The following TAF13 variants were observed in gnomAD, a reference collection of about 807,000 sequenced individuals.
TAF13 encodes transcription initiation factor TFIID subunit 13.
TAF13 carries 9 observed loss-of-function variants against 18.7 expected under a neutral mutation model. That is an observed-to-expected ratio of 0.48 (90% confidence interval 0.29 to 0.84). The LOEUF (loss-of-function observed/expected upper bound fraction) is 0.84, where lower values mean the gene tolerates loss of function less well. TAF13 is among the 40% of genes least tolerant of loss of function. TAF13 has a pLI of 0.08. For missense variants in TAF13, 105 were observed against 146.5 expected (o/e 0.72, Z 1.46); for synonymous variants, 49 against 44.1 (o/e 1.11, Z -0.44).
In TAF13 at chr1:109,075,031, G is replaced by A; in HGVS notation, c.62C>T (p.Ala21Val). The A allele has an allele frequency of 3.7e-6, 6 of 1,609,134 alleles. No individual in the cohort carries two copies. Among genetic ancestry groups the A allele is most frequent in the Non-Finnish European group, 5.1e-6 (6 of 1,178,592 alleles). ...CTTTCTTTTACCCTGTCCACCTTCT[G>A]CACCTCCTCCAATTTCTTCATTTTC... ...EEENEEIGGGAEGGQGKRKRL... is the reference protein window; with the variant it reads ...EEENEEIGGGVEGGQGKRKRL... Residue 21 changes from alanine (A) to valine (V), a missense_variant, in exon 2 of 4, where the codon GCA becomes GTA. Transcript: ENST00000338366.
At chr1:109,073,579 G>A (rs924334078) in intron 2 of TAF13, among the ~76,000 whole-genome samples, 2 of 152,166 alleles carry the variant, frequency 1.3e-5, no homozygotes, top group African/African-American at 4.8e-5. Flanking sequence ...TGTTGGCCGG[G>A]CTGGTCTCCG....
intron 1 of TAF13, 96 bp downstream of exon 1, chr1:109,075,825 C>T (rs1664168253): frequency 6.5e-7 from 1 of 1,536,666 alleles, no homozygotes; most frequent in Non-Finnish European, 9.0e-7. Flanking sequence ...CCGCTGAATT[C>T]ACTAAGGCAA....
At chr1:109,074,504 CCTT>C (rs1456471841) in intron 2 of TAF13, among the ~76,000 whole-genome samples, 1 of 152,158 alleles carries the variant, frequency 6.6e-6, no homozygotes, top group Admixed American at 6.6e-5. Flanking sequence ...TATCTGCTGA[CCTT>C]CTCTCCACTA....
rs939528839 is a variant in TAF13 at position 109,064,682 on chromosome 1, T to C, written c.216A>G (p.Ala72=). The change falls in exon 4 of 4, where the codon GCA becomes GCG. Residue 72 remains alanine (A), a synonymous_variant. Coordinates refer to ENST00000338366, the MANE Select transcript of TAF13 (RefSeq NM_005645.4). Reference sequence around the variant, plus strand: ...CTCGACCTTGTCTTCCAATTGACATTGCCTTGTGAGTCTATTACAAAGAAA... The same window carrying C: ...CTCGACCTTGTCTTCCAATTGACATCGCCTTGTGAGTCTATTACAAAGAAA... The part of the protein sequence containing the change: ...IEFITEMTHK[A]MSIGRQGRVQ... 6.6e-7 allele frequency: 1 copy of C among 1,516,714 alleles called. No homozygotes were observed. Among genetic ancestry groups the C allele is most frequent in the Non-Finnish European group, 8.8e-7 (1 of 1,133,844 alleles). 94.0% of individuals were successfully genotyped at this position (1,516,714 alleles called of 1,614,324 possible).
chr1:109,073,887 C>A (rs1159739955), intron 2 of TAF13, among the ~76,000 whole-genome samples: 1 of 151,986 alleles, frequency 6.6e-6, no homozygotes, highest in Non-Finnish European at 1.5e-5. Context: ...TGAGGAGCGC[C>A]TCTGCTCGGC....
Position 109,064,559 on chromosome 1 carries a change from A to G in TAF13, c.339T>C (p.Ala113=), listed in dbSNP as rs763453646. The G allele has an allele frequency of 3.2e-6, 5 of 1,552,242 alleles. No individual in the cohort carries two copies. The South Asian group carries it at 3.8e-5, about 12-fold the overall frequency. ...LLTMNEELKR[A]RKAFDEANYG... ...AATTTGCTTCATCAAATGCTTTTCT[A>G]GCTCGTTTCAATTCTTCATTCATAG... The change falls in exon 4 of 4, where the codon GCT becomes GCC. Residue 113 remains alanine, a synonymous_variant. Transcript: ENST00000338366.
rs754893278 is a variant in TAF13, at chr1:109,064,660, G to A, written c.238C>T (p.Arg80Ter). 4 of 1,540,544 alleles carry A rather than the reference G, an allele frequency of 2.6e-6. No individual in the cohort carries two copies. Among genetic ancestry groups the A allele is most frequent in the Admixed American group, 2.0e-5 (1 of 49,108 alleles). ...HKAMSIGRQG[R>*]VQVEDIVFLI... is the part of the protein sequence containing the mutation. Reference sequence around the variant, plus strand: ...AAGACGATATCTTCAACTTGTACTCGACCTTGTCTTCCAATTGACATTGCC... The same window carrying A: ...AAGACGATATCTTCAACTTGTACTCAACCTTGTCTTCCAATTGACATTGCC... The change falls in exon 4 of 4, where the codon CGA becomes TGA. Residue 80 changes from arginine to a stop codon, truncating the protein, a stop_gained. Coordinates refer to ENST00000338366, the MANE Select transcript of TAF13 (RefSeq NM_005645.4). LOFTEE classifies it high-confidence loss of function.
chr1:109,075,976 T>A lies in TAF13; in HGVS notation c.-29A>T, dbSNP rs376761695. On this transcript the variant is annotated 5_prime_UTR_variant, in exon 1 of 4. Transcript: ENST00000338366. ...ACTAGCACGCCAACTCACAGCGTCC[T>A]GCCGGCTGGCTCCCAGCTGGTTACA... is the stretch of plus-strand genomic sequence containing the variant. 3.1e-6 allele frequency: 5 copies of A among 1,614,098 alleles called. No individual in the cohort carries two copies. The highest frequency in any genetic ancestry group is 4.2e-6 in the Non-Finnish European group (5 of 1,180,044).
intron 2 of TAF13, among the ~76,000 whole-genome samples, chr1:109,072,152 C>T (rs528390830): frequency 1.7e-4 from 22 of 132,108 alleles, no homozygotes; most frequent in African/African-American, 5.0e-4. Flanking sequence ...ATATACTGAC[C>T]CTGTAGTTTC....
intron 2 of TAF13, among the ~76,000 whole-genome samples, chr1:109,069,223 G>A (rs1220302743): frequency 2.0e-5 from 3 of 151,522 alleles, no homozygotes; most frequent in Non-Finnish European, 2.9e-5. Flanking sequence ...GTGTGTGTGC[G>A]CACATGTATA....
At chr1:109,070,949 A>G (rs1664039146) in intron 2 of TAF13, among the ~76,000 whole-genome samples, 1 of 152,234 alleles carries the variant, frequency 6.6e-6, no homozygotes, top group Admixed American at 6.5e-5. Context: ...GAGAAATGAA[A>G]TAAGAAATGG....
chr1:109,074,204 T>C (rs1192820779), intron 2 of TAF13, among the ~76,000 whole-genome samples: 3 of 152,214 alleles, frequency 2.0e-5, no homozygotes, highest in Admixed American at 1.3e-4. Flanking sequence ...GAAGTAGACA[T>C]AGGAGACTCC....
At position 109,064,151 on chromosome 1, in the gene TAF13, C is replaced by A. The variant is rs1333406217; in HGVS notation, c.*372G>T. 2.4e-5 allele frequency: 1 copy of A among 42,336 alleles called. No individual in the cohort carries two copies. Among genetic ancestry groups the A allele is most frequent in the Non-Finnish European group, 4.0e-5 (1 of 25,310 alleles). The allele number at this position is 42,336 out of a possible 1,614,324, so 2.6% of individuals were successfully genotyped here. On this transcript the variant is annotated 3_prime_UTR_variant, in exon 4 of 4. Coordinates refer to ENST00000338366, the MANE Select transcript of TAF13 (RefSeq NM_005645.4). Reference sequence around the variant, plus strand: ...CCAGCCTGCCAACATAGTGAGACTCCATCTCAAAAAAAAAAAAAAAAAAAA... The same window carrying A: ...CCAGCCTGCCAACATAGTGAGACTCAATCTCAAAAAAAAAAAAAAAAAAAA...
chr1:109,065,306 T>C lies in TAF13; in HGVS notation c.205-613A>G, dbSNP rs538924828. 1.1e-4 allele frequency among the ~76,000 whole-genome samples: 16 copies of C among 151,946 alleles called. No homozygotes were observed. In the South Asian group the frequency reaches 2.7e-3, roughly 26 times the overall value. ...CAGTTCAAGACCAACCTGGGCAACATAGTGAGACCCTGTCTCTACAAAAAA... is the reference window on the plus strand; with the variant it reads ...CAGTTCAAGACCAACCTGGGCAACACAGTGAGACCCTGTCTCTACAAAAAA... On this transcript the variant is annotated intron_variant, in intron 3 of 3. Transcript: ENST00000338366.
intron 2 of TAF13, among the ~76,000 whole-genome samples, chr1:109,074,643 G>C (rs1317498283): frequency 1.3e-5 from 2 of 152,158 alleles, no homozygotes; most frequent in Non-Finnish European, 1.5e-5. Context: ...AGGTGGGCGT[G>C]GTGGCCGGCG....
At chr1:109,066,617 C>T (rs1044993345) in intron 2 of TAF13, among the ~76,000 whole-genome samples, 1 of 152,196 alleles carries the variant, frequency 6.6e-6, no homozygotes, top group East Asian at 1.9e-4. Context: ...TGTGTGTGGG[C>T]ATGGCAGTGG....
rs1663914995 is a variant in TAF13 at position 109,064,368 on chromosome 1, C to T, written c.*155G>A. ...GGCAGGCAATTACATGCACCAATAT[C>T]ACCCTAAAATCAAAGGCATAAAAAT... On this transcript the variant is annotated 3_prime_UTR_variant, in exon 4 of 4. Transcript: ENST00000338366. 9 of 581,334 alleles carry T rather than the reference C, an allele frequency of 1.5e-5. No homozygotes were observed. The highest frequency in any genetic ancestry group is 2.4e-5 in the Non-Finnish European group (9 of 382,266). 36.0% of individuals were successfully genotyped at this position (581,334 alleles called of 1,614,324 possible).
Position 109,075,984 on chromosome 1 carries a change from G to A in TAF13, c.-37C>T. ...GCCAACTCACAGCGTCCTGCCGGCT[G>A]GCTCCCAGCTGGTTACACTACTTCC... is the stretch of plus-strand genomic sequence containing the variant. On this transcript the variant is annotated 5_prime_UTR_variant, in exon 1 of 4. Coordinates refer to ENST00000338366, the MANE Select transcript of TAF13 (RefSeq NM_005645.4). 1 of 1,614,170 alleles carries A rather than the reference G, an allele frequency of 6.2e-7. No individual in the cohort carries two copies. The highest frequency in any genetic ancestry group is 1.1e-5 in the South Asian group (1 of 91,092).
chr1:109,067,776 A>G (rs1663977969), intron 2 of TAF13, among the ~76,000 whole-genome samples: 1 of 152,194 alleles, frequency 6.6e-6, no homozygotes, highest in Non-Finnish European at 1.5e-5. Flanking sequence ...AATCCTCACA[A>G]TGATCCTTTA....
Sources: allele counts gnomAD v4.1 joint callset (sites outside exome capture counted in the v4.1 genomes callset), GRCh38; gene constraint gnomAD v4.1.1; transcripts MANE v1.5; gene names NCBI Gene and HGNC (gene_info 2026-07-23, HGNC 2026-07-21).